GRM7: variants seen among roughly 807,000 people sequenced by gnomAD.
The protein encoded by GRM7 is metabotropic glutamate receptor 7.
GRM7 carries 35 observed loss-of-function variants against 84.5 expected under a neutral mutation model. The ratio of observed to expected loss-of-function variants is 0.41; its 90% CI spans 0.32 to 0.55. GRM7 has a LOEUF of 0.55. Among genes scored for constraint, GRM7 ranks in the 20% least tolerant of loss-of-function variants. GRM7 has a pLI of 0.19. For synonymous variants in GRM7, 487 were observed against 455.1 expected, an observed-to-expected ratio of 1.07 and a Z score of -0.89; for missense variants, 1,003 against 1,194.6, an observed-to-expected ratio of 0.84 and a Z score of 2.36.
chr3:7,234,418 G>A (rs1697286480), intron 2 of GRM7, among the ~76,000 whole-genome samples: 1 of 152,078 alleles, frequency 6.6e-6, no homozygotes, highest in Admixed American at 6.5e-5. Context: ...CCTCTCCTGG[G>A]CCTCTGATTC....
At chr3:6,872,302 T>G (rs1235866696) in intron 1 of GRM7, among the ~76,000 whole-genome samples, 1 of 152,172 alleles carries the variant, frequency 6.6e-6, no homozygotes, top group Non-Finnish European at 1.5e-5. Context: ...ACATTGTTTT[T>G]AAATGATTGC....
chr3:7,196,148 G>A (rs1695871438), intron 2 of GRM7, among the ~76,000 whole-genome samples: 1 of 151,960 alleles, frequency 6.6e-6, no homozygotes, highest in South Asian at 2.1e-4. Flanking sequence ...TATAGATCCA[G>A]GAAAAGGCTA....
chr3:6,927,475 A>AAGAAAGAAAGAAAGAAAGAT (rs1697345025), intron 1 of GRM7, among the ~76,000 whole-genome samples: 3 of 61,084 alleles, frequency 4.9e-5, no homozygotes, highest in Non-Finnish European at 1.3e-4. Context: ...GAAAGAAAGA[A>AAGAAAGAAAGAAAGAAAGAT]AGAAAGAAAG....
chr3:7,301,234 T>C (rs1226033725), intron 3 of GRM7, among the ~76,000 whole-genome samples: 4 of 152,166 alleles, frequency 2.6e-5, no homozygotes, highest in Admixed American at 1.3e-4. Flanking sequence ...CATTCCCTTC[T>C]CCAGTTCCGG....
At chr3:6,913,800 G>A (rs568267408) in intron 1 of GRM7, among the ~76,000 whole-genome samples, 1 of 152,264 alleles carries the variant, frequency 6.6e-6, no homozygotes, top group East Asian at 1.9e-4. Context: ...TCAGCTTGAT[G>A]CAATAGATAG....
At chr3:7,346,009 C>T (rs9836913) in intron 4 of GRM7, among the ~76,000 whole-genome samples, 58,373 of 151,802 alleles carry the variant, frequency 0.38, 11,383 homozygotes, top group South Asian at 0.46. Context: ...CCCAAATATA[C>T]TGATTTCAGA....
At chr3:7,186,232 C>T (rs1389716181) in intron 2 of GRM7, among the ~76,000 whole-genome samples, 7 of 152,130 alleles carry the variant, frequency 4.6e-5, no homozygotes, top group Admixed American at 2.6e-4. Context: ...TTTCAAGTTG[C>T]GTGTATTTTT....
intron 7 of GRM7, among the ~76,000 whole-genome samples, chr3:7,462,728 G>C (rs1698301170): frequency 6.6e-6 from 1 of 152,106 alleles, no homozygotes; most frequent in Non-Finnish European, 1.5e-5. Context: ...CATTTGCACA[G>C]AGCCTTAGCC....
intron 7 of GRM7, among the ~76,000 whole-genome samples, chr3:7,529,820 A>G (rs1356023432): frequency 1.3e-5 from 2 of 151,682 alleles, no homozygotes; most frequent in Non-Finnish European, 2.9e-5. Context: ...AATTATGGCC[A>G]TTCTCAAAAG....
At position 7,499,345 on chromosome 3, in the gene GRM7, C is replaced by T. The variant is rs538538116; in HGVS notation, c.1515+37623C>T. ...TCCTCTGGGTAGTCTCAAAGGCCCA[C>T]CCAGTTTTAAACGGAGATGGCACAG... On this transcript the variant is annotated intron_variant, in intron 7 of 9. Transcript: ENST00000357716. Among the ~76,000 whole-genome samples the T allele has an allele frequency of 1.2e-4, 18 of 152,252 alleles. No individual in the cohort carries two copies. In the East Asian group the frequency reaches 3.3e-3, roughly 28 times the overall value.
chr3:7,268,945 T>C (rs1361292623), intron 2 of GRM7, among the ~76,000 whole-genome samples: 1 of 152,162 alleles, frequency 6.6e-6, no homozygotes, highest in Admixed American at 6.5e-5. Flanking sequence ...AGATATAGAA[T>C]TGTTTTGGGG....
chr3:6,898,362 G>A (rs1469978674), intron 1 of GRM7, among the ~76,000 whole-genome samples: 10 of 142,210 alleles, frequency 7.0e-5, no homozygotes, highest in African/African-American at 2.7e-4. Flanking sequence ...AAGGACGAAA[G>A]AGTGTCATTC....
chr3:7,436,100 G>C (rs1697046912), intron 5 of GRM7, among the ~76,000 whole-genome samples: 1 of 151,996 alleles, frequency 6.6e-6, no homozygotes, highest in Non-Finnish European at 1.5e-5. Flanking sequence ...ACCTGCCTTG[G>C]CCTCCCAAAG....
At chr3:7,201,897 A>G (rs773184808) in intron 2 of GRM7, among the ~76,000 whole-genome samples, 3 of 152,184 alleles carry the variant, frequency 2.0e-5, no homozygotes, top group Non-Finnish European at 4.4e-5. Context: ...TATATAATGA[A>G]TAAAGGGAAT....
chr3:7,157,714 A>ATT (rs57023783), intron 2 of GRM7, among the ~76,000 whole-genome samples: 1 of 146,880 alleles, frequency 6.8e-6, no homozygotes, highest in Non-Finnish European at 1.5e-5. Context: ...ATGCTATTTC[A>ATT]TTTTTTTTTT....
chr3:6,934,939 T>C (rs1697636212), intron 1 of GRM7, among the ~76,000 whole-genome samples: 3 of 152,206 alleles, frequency 2.0e-5, no homozygotes, highest in Admixed American at 1.3e-4. Flanking sequence ...TAATCATCCC[T>C]CTTCAAGGTT....
At chr3:7,289,880 G>T (rs1176850731) in intron 2 of GRM7, among the ~76,000 whole-genome samples, 2 of 150,150 alleles carry the variant, frequency 1.3e-5, no homozygotes, top group Non-Finnish European at 3.0e-5. Context: ...AGGGGAGAGG[G>T]ATAGCATTAG....
intron 1 of GRM7, among the ~76,000 whole-genome samples, chr3:6,993,512 G>C (rs1041645329): frequency 4.6e-5 from 7 of 152,218 alleles, no homozygotes; most frequent in Admixed American, 6.5e-5. Context: ...GGTCTTAAGA[G>C]AGTGTAGAAG....
chr3:7,039,353 TA>T (rs1449483104), intron 1 of GRM7, among the ~76,000 whole-genome samples: 10 of 152,184 alleles, frequency 6.6e-5, no homozygotes, highest in African/African-American at 1.9e-4. Context: ...AAGTGTTTTT[TA>T]AAAAAATTTT....
Sources: allele counts gnomAD v4.1 joint callset (sites outside exome capture counted in the v4.1 genomes callset), GRCh38; gene constraint gnomAD v4.1.1; transcripts MANE v1.5; gene names NCBI Gene and HGNC (gene_info 2026-07-23, HGNC 2026-07-21).